IL13RA1: variants seen among roughly 807,000 people sequenced by gnomAD.
The protein encoded by IL13RA1 is interleukin-13 receptor subunit alpha-1.
A neutral mutation model predicts 33.8 loss-of-function variants in IL13RA1; 14 were observed. The ratio of observed to expected loss-of-function variants is 0.41; its 90% CI spans 0.27 to 0.65. The LOEUF (loss-of-function observed/expected upper bound fraction) is 0.65, where lower values mean the gene tolerates loss of function less well. Among genes scored for constraint, IL13RA1 ranks in the 30% least tolerant of loss-of-function variants. The pLI, the probability that IL13RA1 is intolerant of heterozygous loss-of-function variation, is 0.28. For missense variants in IL13RA1, 313 were observed against 327.0 expected (o/e 0.96, Z 0.33); for synonymous variants, 116 against 115.7 (o/e 1.00, Z -0.02).
chrX:118,758,381 C>A lies in IL13RA1; in HGVS notation c.676+139C>A, dbSNP rs1033640976. The stretch of plus-strand genomic sequence containing the variant: ...AGGGACTATATTGATGTATAACTTT[C>A]TTTGATAGATCCTTTTTAAAGAAGT... On this transcript the variant is annotated intron_variant, in intron 5 of 10. Transcript: ENST00000371666. 8.7e-6 allele frequency: 3 copies of A among 345,504 alleles called. No homozygotes were observed. In the Admixed American group the frequency reaches 1.4e-4, roughly 16 times the overall value. 28.5% of individuals were successfully genotyped at this position (345,504 alleles called of 1,213,427 possible).
At chrX:118,751,585 A>G (rs1028753138) in intron 4 of IL13RA1, among the ~76,000 whole-genome samples, 1 of 110,651 alleles carries the variant, frequency 9.0e-6, no homozygotes, top group Non-Finnish European at 1.9e-5. Context: ...AAGACTGCCT[A>G]GATGGGGGAG....
At chrX:118,753,890 A>G (rs1464638683) in intron 4 of IL13RA1, among the ~76,000 whole-genome samples, 3 of 112,873 alleles carry the variant, frequency 2.7e-5, no homozygotes, top group African/African-American at 9.7e-5. Context: ...GTTCTGTGCC[A>G]TCCAGTATAG....
At position 118,774,203 on chromosome X, in the gene IL13RA1, G is replaced by A. The variant is rs182185643; in HGVS notation, c.1106+228G>A. Among the ~76,000 whole-genome samples, 413 of 104,389 alleles carry A rather than the reference G, an allele frequency of 4.0e-3. 7 individuals carry two copies. In the South Asian group the frequency reaches 0.042, roughly 11 times the overall value. 90.6% of individuals were successfully genotyped at this position (104,389 alleles called of 115,157 possible). The stretch of plus-strand genomic sequence containing the variant: ...GAGTCTCTGTTGCCCAGGCTGGAGC[G>A]CAGTGGTGTGATCTCGGCTCACTGC... On this transcript the variant is annotated intron_variant, in intron 9 of 10. Coordinates refer to ENST00000371666, the MANE Select transcript of IL13RA1 (RefSeq NM_001560.3).
chrX:118,741,303 A>G (rs1174697131), intron 2 of IL13RA1, 147 bp downstream of exon 2: 1 of 438,373 alleles, frequency 2.3e-6, no homozygotes, highest in African/African-American at 2.5e-5. Context: ...TTATAGAAGC[A>G]ACTATTGACA....
At chrX:118,727,797 C>T (rs1438278967) in intron 1 of IL13RA1, 71 bp downstream of exon 1, 1 of 482,922 alleles carries the variant, frequency 2.1e-6, no homozygotes, top group South Asian at 1.2e-4. Context: ...GCTGAAAGGC[C>T]CCGGAGGTCA....
intron 8 of IL13RA1, chrX:118,770,471 G>C (rs1447237593): frequency 2.2e-6 from 1 of 447,728 alleles, no homozygotes; most frequent in East Asian, 5.6e-5. Context: ...AACTGGCGCT[G>C]GCTGGTCTAC....
At chrX:118,738,724 T>A (rs1398488585) in intron 1 of IL13RA1, among the ~76,000 whole-genome samples, 1 of 110,097 alleles carries the variant, frequency 9.1e-6, no homozygotes, top group Admixed American at 9.7e-5. Flanking sequence ...TTATTTTCCT[T>A]TGGGTATATA....
At chrX:118,746,335 G>A (rs1002801019) in intron 2 of IL13RA1, among the ~76,000 whole-genome samples, 4 of 110,625 alleles carry the variant, frequency 3.6e-5, no homozygotes, top group Non-Finnish European at 5.7e-5. Flanking sequence ...GGCTGGTCTC[G>A]AACTCCTGGG....
In IL13RA1 at chrX:118,761,721, T is replaced by C. The variant is rs188113449; in HGVS notation, c.828+432T>C. Among the ~76,000 whole-genome samples the C allele has an allele frequency of 9.2e-4, 103 of 111,755 alleles. 1 individual carries two copies. Among genetic ancestry groups the C allele is most frequent in the Non-Finnish European group, 1.6e-3 (87 of 53,134 alleles). Reference sequence around the variant, plus strand: ...GTGCTGTGAAGAAAATAAAATGGGCTGATGTAGTAGAGTGACTGGGAGAAC... The same window carrying C: ...GTGCTGTGAAGAAAATAAAATGGGCCGATGTAGTAGAGTGACTGGGAGAAC... On this transcript the variant is annotated intron_variant, in intron 6 of 10. Coordinates refer to ENST00000371666, the MANE Select transcript of IL13RA1 (RefSeq NM_001560.3).
At chrX:118,759,311 A>C (rs1212062095) in intron 5 of IL13RA1, among the ~76,000 whole-genome samples, 3 of 112,561 alleles carry the variant, frequency 2.7e-5, no homozygotes, top group African/African-American at 9.7e-5. Context: ...CTATCTAAAA[A>C]AATTGTCATA....
At chrX:118,771,897 C>T (rs754025465) in intron 8 of IL13RA1, among the ~76,000 whole-genome samples, 2 of 111,188 alleles carry the variant, frequency 1.8e-5, no homozygotes, top group Admixed American at 9.5e-5. Context: ...CGCTTGAACC[C>T]GGGAGGCGGA....
At chrX:118,751,607 C>T (rs1487954004) in intron 4 of IL13RA1, among the ~76,000 whole-genome samples, 1 of 110,393 alleles carries the variant, frequency 9.1e-6, no homozygotes, top group South Asian at 3.8e-4. Context: ...TTCTCTGATG[C>T]TGGCCTCTGG....
At chrX:118,732,024 G>A (rs2017227101) in intron 1 of IL13RA1, among the ~76,000 whole-genome samples, 1 of 112,005 alleles carries the variant, frequency 8.9e-6, no homozygotes, top group South Asian at 3.6e-4. Context: ...TTCAGTGCCT[G>A]TGTTTTTTTC....
At chrX:118,746,132 T>C (rs2017401182) in intron 2 of IL13RA1, among the ~76,000 whole-genome samples, 1 of 91,981 alleles carries the variant, frequency 1.1e-5, no homozygotes, top group Non-Finnish European at 2.0e-5. Flanking sequence ...CCATGATTAC[T>C]GGATTTTTTT....
intron 2 of IL13RA1, 83 bp from the exon 3 acceptor site, chrX:118,746,871 G>A (rs1392715185): frequency 2.9e-6 from 2 of 683,340 alleles, no homozygotes; most frequent in Non-Finnish European, 4.5e-6. Context: ...GATAAAAAAA[G>A]CACCACATTT....
intron 2 of IL13RA1, among the ~76,000 whole-genome samples, chrX:118,742,461 C>A (rs762041666): frequency 8.9e-6 from 1 of 112,289 alleles, no homozygotes; most frequent in Admixed American, 9.4e-5. Context: ...CCTGTAATCA[C>A]CCAAGTGTCT....
At chrX:118,728,371 C>T (rs749036924) in intron 1 of IL13RA1, among the ~76,000 whole-genome samples, 1 of 112,104 alleles carries the variant, frequency 8.9e-6, no homozygotes, top group East Asian at 2.8e-4. Context: ...GGCAGATGCT[C>T]CCCCCACCCC....
chrX:118,791,688 T>C, intron 10 of IL13RA1, 74 bp from the exon 11 acceptor site: 1 of 470,875 alleles, frequency 2.1e-6, no homozygotes, highest in Non-Finnish European at 3.6e-6. Context: ...AAAATAAGCA[T>C]TGGCACTAAG....
At chrX:118,796,033 T>C (rs746884179), downstream of IL13RA1, among the ~76,000 whole-genome samples, 1 of 112,745 alleles carries the variant, frequency 8.9e-6, no homozygotes, top group Non-Finnish European at 1.9e-5. Flanking sequence ...ATCCCCAAGA[T>C]GATTTCTTCT....
Sources: gnomAD v4.1 joint callset for allele counts (sites outside exome capture counted in the v4.1 genomes callset) on GRCh38, gnomAD v4.1.1 for gene constraint, MANE v1.5 for transcripts, NCBI Gene and HGNC (gene_info 2026-07-23, HGNC 2026-07-21) for gene names.